TNC: variants seen among roughly 807,000 people sequenced by gnomAD.
TNC encodes tenascin.
TNC carries 109 observed loss-of-function variants against 202.4 expected under a neutral mutation model. The ratio of observed to expected loss-of-function variants is 0.54; its 90% CI spans 0.46 to 0.63. The LOEUF is 0.63. Among genes scored for constraint, TNC ranks in the 30% least tolerant of loss-of-function variants. The pLI, the probability that TNC is intolerant of heterozygous loss-of-function variation, is 0.00. For synonymous variants in TNC, 1,007 were observed against 1,089.7 expected, an observed-to-expected ratio of 0.92 and a Z score of 1.50; for missense variants, 2,756 against 2,833.3, an observed-to-expected ratio of 0.97 and a Z score of 0.62.
chr9:115,048,671 T>C (rs1831402104), intron 15 of TNC, 139 bp from the exon 16 acceptor site: 1 of 863,952 alleles, frequency 1.2e-6, no homozygotes, highest in Non-Finnish European at 1.7e-6. Flanking sequence ...GAAAATTCAG[T>C]AAGAACTTAT....
intron 10 of TNC, among the ~76,000 whole-genome samples, chr9:115,071,172 G>A (rs1004629865): frequency 6.6e-6 from 1 of 152,346 alleles, no homozygotes; most frequent in East Asian, 1.9e-4. Flanking sequence ...CTGAGTGAAT[G>A]CAGAAGGCTT....
At chr9:115,053,442 C>T (rs775654176) in intron 15 of TNC, among the ~76,000 whole-genome samples, 11 of 152,078 alleles carry the variant, frequency 7.2e-5, no homozygotes, top group Non-Finnish European at 1.0e-4. Context: ...TGGTAAACAC[C>T]GAATATTATG....
chr9:115,035,260 G>T lies in TNC; in HGVS notation c.5731C>A (p.Arg1911=), dbSNP rs148674204. The T allele has an allele frequency of 1.6e-5, 25 of 1,609,108 alleles. No individual in the cohort carries two copies. In the African/African-American group the frequency reaches 2.9e-4, roughly 19 times the overall value. Residue 1911 remains arginine, a synonymous_variant, in exon 22 of 28, where the codon CGG becomes AGG. Transcript: ENST00000350763. ...ETALLTWRPP[R]ASVTGYLLVY... ...AGCAGGTAACCGGTGACTGATGCCC[G>T]GGGGGGTCGCCAGGTAAGGAGGGCA...
intron 7 of TNC, among the ~76,000 whole-genome samples, chr9:115,077,203 C>T (rs982180661): frequency 1.3e-5 from 2 of 152,216 alleles, no homozygotes; most frequent in Non-Finnish European, 2.9e-5. Flanking sequence ...TACAGGCACC[C>T]GCCACCACGC....
chr9:115,033,451 C>G (rs1056242710), intron 22 of TNC, among the ~76,000 whole-genome samples: 4 of 152,134 alleles, frequency 2.6e-5, no homozygotes, highest in Non-Finnish European at 5.9e-5. Context: ...TTAGGGTACT[C>G]TAGATCAAAA....
At position 115,063,862 on chromosome 9, in the gene TNC, T is replaced by C; in HGVS notation, c.3694A>G (p.Thr1232Ala). 6.2e-7 allele frequency: 1 copy of C among 1,614,190 alleles called. No individual in the cohort carries two copies. The highest frequency in any genetic ancestry group is 1.3e-5 in the African/African-American group (1 of 75,042). Reference sequence around the variant, plus strand: ...TGAGTGACCCCGCGGATGGTGATGGTATAATGAGTGGCTGCTTTGAGCCCA... The same window carrying C: ...TGAGTGACCCCGCGGATGGTGATGGCATAATGAGTGGCTGCTTTGAGCCCA... ...LPGLKAATHY[T>A]ITIRGVTQDF... Residue 1232 changes from threonine (T) to alanine (A), a missense_variant, in exon 12 of 28, where the codon ACC (threonine) becomes GCC (alanine). By Grantham distance (58) the Thr-to-Ala change is moderately conservative. Transcript: ENST00000350763.
intron 15 of TNC, chr9:115,052,804 G>A (rs1263883460): frequency 1.4e-6 from 1 of 702,666 alleles, no homozygotes; most frequent in East Asian, 2.7e-5. Flanking sequence ...CTGCCACACT[G>A]ACGTCATAGC....
At chr9:115,106,043 C>T (rs972745145) in intron 1 of TNC, among the ~76,000 whole-genome samples, 5 of 152,100 alleles carry the variant, frequency 3.3e-5, no homozygotes, top group African/African-American at 4.8e-5. Flanking sequence ...TCATTTCTTC[C>T]TGTATTAGAA....
chr9:115,100,159 C>T (rs1028634276), intron 1 of TNC, among the ~76,000 whole-genome samples: 1 of 152,168 alleles, frequency 6.6e-6, no homozygotes, highest in African/African-American at 2.4e-5. Context: ...GACTGTGTTC[C>T]TAACGGGAAA....
rs117975733 is a variant in TNC, at chr9:115,112,326, C to A, written c.-137+5656G>T. Reference sequence around the variant, plus strand: ...AATGAGGTATGCTAACCTAGGCCAGCAATTTACAAAAACATTCTGTTTTTT... The same window carrying A: ...AATGAGGTATGCTAACCTAGGCCAGAAATTTACAAAAACATTCTGTTTTTT... On this transcript the variant is annotated intron_variant, in intron 1 of 27. Transcript: ENST00000350763. 2.4e-4 allele frequency among the ~76,000 whole-genome samples: 36 copies of A among 152,198 alleles called. No homozygotes were observed. The East Asian group carries it at 7.0e-3, about 29-fold the overall frequency.
chr9:115,030,250 T>C lies in TNC; in HGVS notation c.6072+4A>G. Reference sequence around the variant, plus strand: ...AGGGCTCTGCAGTCCCTGGTGGTACTCACAATCCATCCACCCCCATCAGAG... The same window carrying C: ...AGGGCTCTGCAGTCCCTGGTGGTACCCACAATCCATCCACCCCCATCAGAG... On this transcript the variant is annotated splice_donor_region_variant and intron_variant, in intron 24 of 27. Transcript: ENST00000350763. 1 of 1,606,752 alleles carries C rather than the reference T, an allele frequency of 6.2e-7. No individual in the cohort carries two copies. The highest frequency in any genetic ancestry group is 1.1e-5 in the South Asian group (1 of 90,632).
At chr9:115,108,799 A>C (rs1229727732) in intron 1 of TNC, among the ~76,000 whole-genome samples, 2 of 152,192 alleles carry the variant, frequency 1.3e-5, no homozygotes, top group African/African-American at 4.8e-5. Context: ...TTATTAAAAG[A>C]GACCCCATAG....
rs1828953201 is a variant in TNC, at chr9:115,019,799, G to A, written c.*1358C>T. On this transcript the variant is annotated 3_prime_UTR_variant, in exon 28 of 28. Transcript: ENST00000350763. ...GTATGAGTGTCCCTACTTTACAGAA[G>A]AGGAAACTGAGGCATAGAGAGGTTA... is the stretch of plus-strand genomic sequence containing the variant. 4 of 152,164 alleles carry A rather than the reference G, an allele frequency of 2.6e-5. No individual in the cohort carries two copies. Among genetic ancestry groups the A allele is most frequent in the Admixed American group, 1.3e-4 (2 of 15,278 alleles). 9.4% of individuals were successfully genotyped at this position (152,164 alleles called of 1,614,324 possible). A position where few individuals can be genotyped will look rare whatever the true frequency, so the allele number is the denominator to read the frequency against.
intron 19 of TNC, among the ~76,000 whole-genome samples, chr9:115,039,304 A>C (rs1016400863): frequency 6.6e-6 from 1 of 152,162 alleles, no homozygotes. Flanking sequence ...TCAGCTGCCA[A>C]AGGGTGACTG....
Position 115,074,166 on chromosome 9 carries a change from A to G in TNC, c.2951-300T>C, listed in dbSNP as rs571423711. On this transcript the variant is annotated intron_variant, in intron 9 of 27. Coordinates refer to ENST00000350763, the MANE Select transcript of TNC (RefSeq NM_002160.4). ...AAAGGAACCAACTATTGATAAAAGA[A>G]GCAATTTAGATGAATCTCGAGAGAA... Among the ~76,000 whole-genome samples the G allele has an allele frequency of 1.8e-4, 28 of 152,328 alleles. No individual in the cohort carries two copies. In the South Asian group the frequency reaches 4.8e-3, roughly 26 times the overall value.
chr9:115,029,502 A>C, intron 24 of TNC, 46 bp from the exon 25 acceptor site: 1 of 1,570,700 alleles, frequency 6.4e-7, no homozygotes, highest in Non-Finnish European at 8.8e-7. Flanking sequence ...CTATTGCAGG[A>C]AAGAGGGCAT....
chr9:115,085,937 G>A lies in TNC; in HGVS notation c.1794C>T (p.Cys598=). The A allele has an allele frequency of 6.2e-7, 1 of 1,613,980 alleles. No individual in the cohort carries two copies. Among genetic ancestry groups the A allele is most frequent in the Non-Finnish European group, 8.5e-7 (1 of 1,179,920 alleles). ...CCGAGACGCATTGTCCTAAGTTGTT[G>A]CAGTCACTGGGGCAGGAGTGCTGGC... The part of the protein sequence containing the change: ...DCGQHSCPSD[C]NNLGQCVSGR... Residue 598 remains cysteine, a synonymous_variant, in exon 3 of 28, where the codon TGC becomes TGT. Transcript: ENST00000350763.
intron 13 of TNC, 52 bp downstream of exon 13, chr9:115,062,864 CA>C: frequency 6.4e-7 from 1 of 1,570,516 alleles, no homozygotes; most frequent in African/African-American, 1.4e-5. Flanking sequence ...TTCTCTATTT[CA>C]ATGACATGCT....
At chr9:115,077,853 A>G in intron 7 of TNC, 90 bp downstream of exon 7, 2 of 1,376,754 alleles carry the variant, frequency 1.5e-6, no homozygotes, top group Non-Finnish European at 9.9e-7. Flanking sequence ...GTACTGTAAA[A>G]TGAGCCTGGA....
Sources: gnomAD v4.1 joint callset for allele counts (sites outside exome capture counted in the v4.1 genomes callset) on GRCh38, gnomAD v4.1.1 for gene constraint, MANE v1.5 for transcripts, NCBI Gene and HGNC (gene_info 2026-07-23, HGNC 2026-07-21) for gene names.